SLC9A7: variants seen among roughly 807,000 people sequenced by gnomAD.
SLC9A7 encodes the protein sodium/hydrogen exchanger 7.
A neutral mutation model predicts 52.6 loss-of-function variants in SLC9A7; 19 were observed. The ratio of observed to expected loss-of-function variants is 0.36; its 90% CI spans 0.25 to 0.53. The LOEUF (loss-of-function observed/expected upper bound fraction) is 0.53, where lower values mean the gene tolerates loss of function less well. SLC9A7 is among the 20% of genes least tolerant of loss of function. The pLI, the probability that SLC9A7 is intolerant of heterozygous loss-of-function variation, is 0.91. For missense variants in SLC9A7, 455 were observed against 597.9 expected, an observed-to-expected ratio of 0.76 and a Z score of 2.49; for synonymous variants, 226 against 252.1, an observed-to-expected ratio of 0.90 and a Z score of 0.98.
Position 46,599,996 on chromosome X carries a change from A to AAAG in SLC9A7, c.*6953_*6955dup, listed in dbSNP as rs1377399864. The stretch of plus-strand genomic sequence containing the variant: ...GGACATAGTACAACTTTCCAAGTAA[A>AAAG]AAGTACCAGATGTATTTTATGTGAA... On this transcript the variant is annotated 3_prime_UTR_variant, in exon 17 of 17. Transcript: ENST00000616978. 8.9e-6 allele frequency: 1 copy of AAAG among 112,232 alleles called. No individual in the cohort carries two copies. The highest frequency in any genetic ancestry group is 1.9e-5 in the Non-Finnish European group (1 of 53,295). 9.2% of individuals were successfully genotyped at this position (112,232 alleles called of 1,213,427 possible). A position where few individuals can be genotyped will look rare whatever the true frequency, so the allele number is the denominator to read the frequency against.
rs1168677813 is a variant in SLC9A7 at position 46,599,334 on chromosome X, C to G, written c.*7618G>C. The stretch of plus-strand genomic sequence containing the variant: ...CCAGCTGTAGTTTGCCAACCCCAGG[C>G]CTAAAGAAAGCTGGAGAGGAATAGC... On this transcript the variant is annotated 3_prime_UTR_variant, in exon 17 of 17. Coordinates refer to ENST00000616978, the MANE Select transcript of SLC9A7 (RefSeq NM_001257291.2). 9.0e-6 allele frequency: 1 copy of G among 111,296 alleles called. No individual in the cohort carries two copies. Among genetic ancestry groups the G allele is most frequent in the African/African-American group, 3.3e-5 (1 of 30,582 alleles). 9.2% of individuals were successfully genotyped at this position (111,296 alleles called of 1,213,427 possible).
At chrX:46,738,031 A>AAAG (rs1945150816) in intron 1 of SLC9A7, among the ~76,000 whole-genome samples, 3 of 70,393 alleles carry the variant, frequency 4.3e-5, no homozygotes, top group African/African-American at 1.3e-4. Flanking sequence ...TGTCTCAAAA[A>AAAG]AAAGAAAGAA....
At chrX:46,632,324 A>C (rs756145469) in intron 13 of SLC9A7, among the ~76,000 whole-genome samples, 2 of 112,043 alleles carry the variant, frequency 1.8e-5, no homozygotes, top group East Asian at 5.6e-4. Context: ...CCAACTAGGC[A>C]CTGACTTTTG....
chrX:46,736,912 G>A (rs770536519), intron 1 of SLC9A7, among the ~76,000 whole-genome samples: 6 of 111,433 alleles, frequency 5.4e-5, no homozygotes, highest in African/African-American at 1.6e-4. Context: ...CTGATATTCT[G>A]ATTAATTTGC....
At chrX:46,746,023 C>A (rs768938310) in intron 1 of SLC9A7, among the ~76,000 whole-genome samples, 14 of 108,451 alleles carry the variant, frequency 1.3e-4, no homozygotes, top group Non-Finnish European at 2.3e-4. Context: ...GCAAAGGAAA[C>A]AATCAAGAAA....
chrX:46,661,649 C>T (rs965056388), intron 7 of SLC9A7, among the ~76,000 whole-genome samples: 4 of 111,620 alleles, frequency 3.6e-5, no homozygotes, highest in African/African-American at 1.3e-4. Context: ...CAGCAGTTGG[C>T]AGCAGCTAGC....
chrX:46,662,713 T>G, intron 5 of SLC9A7, 70 bp from the exon 6 acceptor site: 1 of 775,515 alleles, frequency 1.3e-6, no homozygotes, highest in Non-Finnish European at 1.9e-6. Context: ...TACAGATTTA[T>G]AGAGGCAATT....
intron 3 of SLC9A7, among the ~76,000 whole-genome samples, chrX:46,674,837 G>A (rs7064236): frequency 0.051 from 5,649 of 111,211 alleles, 346 homozygotes; most frequent in African/African-American, 0.18. Context: ...GCATGCCCTG[G>A]CAAAGTCTTC....
intron 1 of SLC9A7, among the ~76,000 whole-genome samples, chrX:46,722,735 T>G (rs1468820491): frequency 8.9e-6 from 1 of 111,909 alleles, no homozygotes. Flanking sequence ...CACACTGGGA[T>G]TGCAATTTAT....
intron 1 of SLC9A7, among the ~76,000 whole-genome samples, chrX:46,683,911 TATA>T (rs762491021): frequency 1.2e-4 from 14 of 112,425 alleles, no homozygotes; most frequent in Admixed American, 1.2e-3. Flanking sequence ...TGTAATGTTC[TATA>T]ATGTCTCTTA....
intron 1 of SLC9A7, among the ~76,000 whole-genome samples, chrX:46,729,505 G>A (rs1944994544): frequency 8.9e-6 from 1 of 111,965 alleles, no homozygotes; most frequent in Non-Finnish European, 1.9e-5. Context: ...TGGGCGTGGT[G>A]GCTCATGCCT....
chrX:46,647,614 G>A (rs953445078), intron 11 of SLC9A7, among the ~76,000 whole-genome samples: 1 of 112,621 alleles, frequency 8.9e-6, no homozygotes, highest in African/African-American at 3.2e-5. Flanking sequence ...CTGCCTCCCC[G>A]CAGCGGACTG....
intron 12 of SLC9A7, among the ~76,000 whole-genome samples, chrX:46,637,184 C>A (rs887876777): frequency 4.5e-5 from 5 of 111,720 alleles, no homozygotes; most frequent in Non-Finnish European, 9.4e-5. Flanking sequence ...CTATGACTGT[C>A]CCCATTTAAT....
intron 4 of SLC9A7, among the ~76,000 whole-genome samples, chrX:46,671,353 C>T (rs1363107988): frequency 7.2e-5 from 8 of 110,460 alleles, no homozygotes; most frequent in Non-Finnish European, 1.3e-4. Context: ...CTCCGCCTCC[C>T]GGGTTCATGC....
At chrX:46,721,872 G>A (rs780787040) in intron 1 of SLC9A7, among the ~76,000 whole-genome samples, 6 of 112,455 alleles carry the variant, frequency 5.3e-5, no homozygotes, top group Non-Finnish European at 1.1e-4. Context: ...AGTTAGTGAA[G>A]GCAGTCGGCG....
intron 1 of SLC9A7, among the ~76,000 whole-genome samples, chrX:46,703,569 C>T (rs1263639329): frequency 8.9e-6 from 1 of 111,734 alleles, no homozygotes; most frequent in Admixed American, 9.5e-5. Flanking sequence ...TATTTACAAC[C>T]CTCAGCTCTG....
intron 12 of SLC9A7, among the ~76,000 whole-genome samples, chrX:46,642,891 C>T (rs752539308): frequency 8.9e-6 from 1 of 111,872 alleles, no homozygotes; most frequent in Admixed American, 9.5e-5. Flanking sequence ...ACATGAAATA[C>T]TGGACTCTGC....
chrX:46,661,915 T>C (rs756366647), intron 7 of SLC9A7, 101 bp downstream of exon 7: 2 of 774,198 alleles, frequency 2.6e-6, no homozygotes, highest in Non-Finnish European at 3.6e-6. Context: ...GAACACTCAA[T>C]GTAAAATTCC....
At chrX:46,674,422 G>A (rs1441382356) in intron 3 of SLC9A7, among the ~76,000 whole-genome samples, 1 of 112,088 alleles carries the variant, frequency 8.9e-6, no homozygotes, top group Non-Finnish European at 1.9e-5. Flanking sequence ...GTACTTAAAC[G>A]TATACTTCAT....
Sources: allele counts gnomAD v4.1 joint callset (sites outside exome capture counted in the v4.1 genomes callset), GRCh38; gene constraint gnomAD v4.1.1; transcripts MANE v1.5; gene names NCBI Gene and HGNC (gene_info 2026-07-23, HGNC 2026-07-21).